The following SDK1 variants were observed in gnomAD, a reference collection of about 807,000 sequenced individuals.
SDK1 encodes the protein sidekick cell adhesion molecule 1.
A neutral mutation model predicts 245.5 loss-of-function variants in SDK1; 157 were observed. The observed-to-expected ratio is 0.64, with a 90% confidence interval of 0.56 to 0.73. The LOEUF (loss-of-function observed/expected upper bound fraction) is 0.73. Ranked by LOEUF, SDK1 falls within the 30% of genes least tolerant of loss-of-function variation. SDK1 has a pLI of 0.00. For missense variants in SDK1, 3,583 were observed against 3,002.3 expected (o/e 1.19, Z -4.52); for synonymous variants, 1,647 against 1,278.5 (o/e 1.29, Z -6.15).
intron 1 of SDK1, among the ~76,000 whole-genome samples, chr7:3,569,581 A>T (rs1263409128): frequency 1.3e-5 from 2 of 152,174 alleles, no homozygotes; most frequent in Admixed American, 1.3e-4. Context: ...ACGGTTCATC[A>T]TTGGTGTCTG....
At chr7:3,308,896 G>A (rs967625067) in intron 1 of SDK1, among the ~76,000 whole-genome samples, 8 of 152,036 alleles carry the variant, frequency 5.3e-5, no homozygotes, top group Admixed American at 3.3e-4. Context: ...AAAAAATAGA[G>A]GGAGATAACC....
At chr7:3,657,612 C>G (rs1783228949) in intron 4 of SDK1, among the ~76,000 whole-genome samples, 1 of 151,828 alleles carries the variant, frequency 6.6e-6, no homozygotes, top group Non-Finnish European at 1.5e-5. Context: ...TTTTTTTCCA[C>G]CTGTGAAATG....
At chr7:3,441,624 G>T (rs1181069029) in intron 1 of SDK1, among the ~76,000 whole-genome samples, 1 of 152,116 alleles carries the variant, frequency 6.6e-6, no homozygotes, top group Non-Finnish European at 1.5e-5. Context: ...CATAATTCCT[G>T]AAGTCAGGTA....
intron 4 of SDK1, among the ~76,000 whole-genome samples, chr7:3,749,166 T>G (rs1779706372): frequency 6.6e-6 from 1 of 152,080 alleles, no homozygotes. Flanking sequence ...AGAGGGAGTC[T>G]CGCTCTGTCA....
chr7:3,726,277 G>C (rs189877977), intron 4 of SDK1, among the ~76,000 whole-genome samples: 1 of 152,300 alleles, frequency 6.6e-6, no homozygotes, highest in Admixed American at 6.5e-5. Flanking sequence ...CAGATTTAGA[G>C]GTATGCTCAC....
intron 36 of SDK1, among the ~76,000 whole-genome samples, chr7:4,206,599 T>C (rs1288019247): frequency 1.3e-5 from 2 of 152,162 alleles, no homozygotes; most frequent in Non-Finnish European, 2.9e-5. Context: ...CAGCAGGCCA[T>C]GACAGGAGAG....
chr7:4,205,322 A>G (rs779009685), intron 35 of SDK1, among the ~76,000 whole-genome samples: 1 of 152,058 alleles, frequency 6.6e-6, no homozygotes, highest in Non-Finnish European at 1.5e-5. Context: ...CTTTTCTCTA[A>G]TCTCAATCAG....
chr7:4,265,292 C>G lies in SDK1; in HGVS notation c.6550C>G (p.Pro2184Ala). ...CTCCGAGGCGGGCGCGCAGCTGCAC[C>G]CGGTCATCACCACGCAGAGCGCGGG... ...AGSEAGAQLH[P>A]VITTQSAGGV... The change falls in exon 45 of 45, where the codon CCG becomes GCG. Residue 2184 changes from proline (P) to alanine (A), a missense_variant. Coordinates refer to ENST00000404826, the MANE Select transcript of SDK1 (RefSeq NM_152744.4). 6.3e-7 allele frequency: 1 copy of G among 1,581,898 alleles called. No individual in the cohort carries two copies. Among genetic ancestry groups the G allele is most frequent in the Non-Finnish European group, 8.5e-7 (1 of 1,171,332 alleles).
intron 1 of SDK1, among the ~76,000 whole-genome samples, chr7:3,542,575 G>T (rs1779084828): frequency 6.6e-6 from 1 of 152,034 alleles, no homozygotes; most frequent in Non-Finnish European, 1.5e-5. Flanking sequence ...ATGCAATATT[G>T]CTTGATTAAA....
chr7:3,397,743 T>C (rs761636039), intron 1 of SDK1, among the ~76,000 whole-genome samples: 38 of 152,110 alleles, frequency 2.5e-4, no homozygotes, highest in Non-Finnish European at 2.1e-4. Context: ...ATCATTTCTG[T>C]TGTAGTGTTT....
chr7:3,881,891 C>T (rs796613147), intron 5 of SDK1, among the ~76,000 whole-genome samples: 20 of 152,282 alleles, frequency 1.3e-4, no homozygotes, highest in African/African-American at 4.6e-4. Context: ...AAGCTTGGAG[C>T]TCTGTTCCCG....
intron 22 of SDK1, among the ~76,000 whole-genome samples, chr7:4,080,627 A>T (rs1408582470): frequency 6.6e-6 from 1 of 152,124 alleles, no homozygotes; most frequent in Non-Finnish European, 1.5e-5. Context: ...CTGACCCACA[A>T]ATGGGGCTGG....
intron 1 of SDK1, among the ~76,000 whole-genome samples, chr7:3,462,369 C>T (rs1251386811): frequency 6.6e-6 from 1 of 152,148 alleles, no homozygotes; most frequent in Non-Finnish European, 1.5e-5. Context: ...ATTATAATAT[C>T]ATTGTCTACC....
chr7:3,935,381 A>G (rs1168371265), intron 5 of SDK1, among the ~76,000 whole-genome samples: 1 of 152,242 alleles, frequency 6.6e-6, no homozygotes, highest in Non-Finnish European at 1.5e-5. Context: ...GCAACAAAAG[A>G]AAAAATCAAA....
intron 2 of SDK1, among the ~76,000 whole-genome samples, chr7:3,631,041 C>T (rs944132594): frequency 1.3e-5 from 2 of 151,970 alleles, no homozygotes; most frequent in Admixed American, 1.3e-4. Context: ...CAAGTGATCC[C>T]CCCATCTCAG....
chr7:3,581,120 T>C (rs577896907), intron 1 of SDK1, among the ~76,000 whole-genome samples: 1 of 152,092 alleles, frequency 6.6e-6, no homozygotes, highest in East Asian at 1.9e-4. Flanking sequence ...TGGGATCTAA[T>C]TAAACTTAAT....
chr7:3,910,044 C>G (rs1779110412), intron 5 of SDK1, among the ~76,000 whole-genome samples: 1 of 152,166 alleles, frequency 6.6e-6, no homozygotes, highest in South Asian at 2.1e-4. Flanking sequence ...GGACTGTTCA[C>G]TTTTTGGAGA....
intron 1 of SDK1, among the ~76,000 whole-genome samples, chr7:3,385,415 T>G (rs1322708062): frequency 6.6e-6 from 1 of 152,130 alleles, no homozygotes; most frequent in African/African-American, 2.4e-5. Context: ...CTAATTTTCA[T>G]AAGTAATGAA....
intron 38 of SDK1, among the ~76,000 whole-genome samples, chr7:4,218,809 A>G (rs1265332412): frequency 6.6e-6 from 1 of 152,076 alleles, no homozygotes; most frequent in Non-Finnish European, 1.5e-5. Context: ...CCACACCTTG[A>G]TATCCTCCTC....
Sources: allele counts gnomAD v4.1 joint callset (sites outside exome capture counted in the v4.1 genomes callset), GRCh38; gene constraint gnomAD v4.1.1; transcripts MANE v1.5; gene names NCBI Gene and HGNC (gene_info 2026-07-23, HGNC 2026-07-21).